The following ERC2 variants were observed in gnomAD, a reference collection of about 807,000 sequenced individuals.
ERC2 encodes the protein ELKS/RAB6-interacting/CAST family member 2, also known as ERC protein 2.
In ERC2, 42 loss-of-function variants were observed where a neutral mutation model predicts 114.8. The observed-to-expected ratio is 0.37, with a 90% CI of 0.29 to 0.47. ERC2 has a LOEUF of 0.47. Among genes scored for constraint, ERC2 ranks in the 20% least tolerant of loss-of-function variants. ERC2 has a pLI of 0.99. For synonymous variants in ERC2, 454 were observed against 425.5 expected (o/e 1.07, Z -0.82); for missense variants, 939 against 1,150.7 (o/e 0.82, Z 2.66).
intron 7 of ERC2, among the ~76,000 whole-genome samples, chr3:56,044,200 T>A (rs189901154): frequency 6.6e-6 from 1 of 152,294 alleles, no homozygotes; most frequent in East Asian, 1.9e-4. Flanking sequence ...CAAGACTCTG[T>A]CTGAAAGAAT....
In ERC2 at chr3:56,335,690, A is replaced by G. The variant is rs865948810; in HGVS notation, c.658-39255T>C. Among the ~76,000 whole-genome samples, 11 of 152,236 alleles carry G rather than the reference A, an allele frequency of 7.2e-5. 1 individual carries two copies. The South Asian group carries it at 2.3e-3, about 31-fold the overall frequency. On this transcript the variant is annotated intron_variant, in intron 2 of 17. Transcript: ENST00000288221. Reference sequence around the variant, plus strand: ...TATTAAAATTCCAAATCAATCTAGCATCAGACCAAAAAAGCCATTTAAACA... The same window carrying G: ...TATTAAAATTCCAAATCAATCTAGCGTCAGACCAAAAAAGCCATTTAAACA...
intron 14 of ERC2, among the ~76,000 whole-genome samples, chr3:55,829,121 AC>A (rs920743602): frequency 6.6e-6 from 1 of 152,142 alleles, no homozygotes; most frequent in Non-Finnish European, 1.5e-5. Flanking sequence ...ACAGAGCAAG[AC>A]CCTCTCTCAA....
intron 10 of ERC2, among the ~76,000 whole-genome samples, chr3:55,998,859 G>A (rs2071806489): frequency 6.6e-6 from 1 of 152,120 alleles, no homozygotes; most frequent in South Asian, 2.1e-4. Context: ...AATATGTGTT[G>A]AGAAGAGATA....
chr3:56,142,246 A>G (rs1426829408), intron 5 of ERC2, among the ~76,000 whole-genome samples: 3 of 152,166 alleles, frequency 2.0e-5, no homozygotes, highest in South Asian at 2.1e-4. Flanking sequence ...CCTTATATCA[A>G]TAGCATTTAT....
chr3:55,727,098 C>T (rs2064968414), intron 15 of ERC2, among the ~76,000 whole-genome samples: 1 of 152,094 alleles, frequency 6.6e-6, no homozygotes, highest in Admixed American at 6.5e-5. Flanking sequence ...TTCAAAAACC[C>T]CTTAGTAGCA....
intron 17 of ERC2, among the ~76,000 whole-genome samples, chr3:55,618,346 A>G (rs1026471863): frequency 1.3e-5 from 2 of 152,236 alleles, no homozygotes; most frequent in African/African-American, 2.4e-5. Flanking sequence ...CTTTATCAAT[A>G]TTAATGTGCA....
intron 12 of ERC2, among the ~76,000 whole-genome samples, chr3:55,982,980 C>T (rs1478595119): frequency 1.3e-5 from 2 of 152,220 alleles, no homozygotes; most frequent in African/African-American, 2.4e-5. Flanking sequence ...TGCTGCCAGG[C>T]GCCAGCCATC....
intron 2 of ERC2, among the ~76,000 whole-genome samples, chr3:56,339,519 C>T (rs981944566): frequency 6.6e-6 from 1 of 151,998 alleles, no homozygotes; most frequent in Non-Finnish European, 1.5e-5. Flanking sequence ...CACTTAAAGG[C>T]CTCTGACTTC....
At chr3:55,554,353 C>G (rs1430629418) in intron 17 of ERC2, among the ~76,000 whole-genome samples, 2 of 152,188 alleles carry the variant, frequency 1.3e-5, no homozygotes, top group Admixed American at 1.3e-4. Context: ...TTCAAAGATA[C>G]TGCTTTATGG....
At chr3:56,149,962 A>G (rs1204056523) in intron 4 of ERC2, among the ~76,000 whole-genome samples, 1 of 152,138 alleles carries the variant, frequency 6.6e-6, no homozygotes, top group Non-Finnish European at 1.5e-5. Context: ...TAGGGTAACC[A>G]AAACAAAACA....
intron 6 of ERC2, among the ~76,000 whole-genome samples, chr3:56,133,916 G>T (rs370052974): frequency 3.8e-4 from 58 of 152,162 alleles, no homozygotes; most frequent in African/African-American, 1.3e-3. Flanking sequence ...TTGTGGGAAG[G>T]GTCTGTGTGA....
chr3:55,550,620 C>A (rs2055099396), intron 17 of ERC2, among the ~76,000 whole-genome samples: 1 of 152,086 alleles, frequency 6.6e-6, no homozygotes, highest in South Asian at 2.1e-4. Flanking sequence ...GACTGAGAGT[C>A]TGAGATGGTC....
At chr3:55,809,057 T>G (rs1006387866) in intron 14 of ERC2, among the ~76,000 whole-genome samples, 5 of 152,066 alleles carry the variant, frequency 3.3e-5, no homozygotes, top group African/African-American at 7.2e-5. Flanking sequence ...AAAAAAATCC[T>G]ACAGAATTCT....
At chr3:56,401,578 TATC>T (rs1406361070) in intron 2 of ERC2, among the ~76,000 whole-genome samples, 6 of 152,210 alleles carry the variant, frequency 3.9e-5, no homozygotes, top group African/African-American at 1.4e-4. Flanking sequence ...TCAATGATGT[TATC>T]ATAAATTTGC....
chr3:55,807,339 G>A (rs2059531713), intron 14 of ERC2, among the ~76,000 whole-genome samples: 1 of 151,992 alleles, frequency 6.6e-6, no homozygotes, highest in African/African-American at 2.4e-5. Flanking sequence ...TTGATTTCTG[G>A]GCCTGGGATT....
intron 14 of ERC2, among the ~76,000 whole-genome samples, chr3:55,788,629 T>C (rs375812122): frequency 2.0e-5 from 3 of 152,266 alleles, no homozygotes; most frequent in African/African-American, 7.2e-5. Context: ...ATTCTGCAGC[T>C]GGTTGGTCAG....
intron 13 of ERC2, among the ~76,000 whole-genome samples, chr3:55,921,732 A>T (rs931068341): frequency 6.6e-6 from 1 of 152,162 alleles, no homozygotes; most frequent in Non-Finnish European, 1.5e-5. Context: ...TAGTCCATAT[A>T]TGGAGAGTAT....
chr3:55,904,822 C>T (rs2064336039), intron 13 of ERC2, among the ~76,000 whole-genome samples: 1 of 152,216 alleles, frequency 6.6e-6, no homozygotes, highest in South Asian at 2.1e-4. Flanking sequence ...TCAATTTAGA[C>T]AGAAAGAAAA....
At chr3:55,788,039 G>T (rs796643196) in intron 14 of ERC2, among the ~76,000 whole-genome samples, 1 of 152,198 alleles carries the variant, frequency 6.6e-6, no homozygotes, top group Non-Finnish European at 1.5e-5. Flanking sequence ...TGACCCAGTG[G>T]TTCCAGAATC....
Sources: allele counts gnomAD v4.1 joint callset (sites outside exome capture counted in the v4.1 genomes callset), GRCh38; gene constraint gnomAD v4.1.1; transcripts MANE v1.5; gene names NCBI Gene and HGNC (gene_info 2026-07-23, HGNC 2026-07-21).